Variants in EVA1C observed in about 807,000 individuals in gnomAD.
EVA1C encodes the protein protein eva-1 homolog C.
EVA1C carries 25 observed loss-of-function variants against 45.4 expected under a neutral mutation model. The ratio of observed to expected loss-of-function variants is 0.55; its 90% CI spans 0.40 to 0.77. The LOEUF (loss-of-function observed/expected upper bound fraction) is 0.77, where lower values mean the gene tolerates loss of function less well. Ranked by LOEUF, EVA1C falls within the 30% of genes least tolerant of loss-of-function variation. The pLI is 0.00. For missense variants in EVA1C, 479 were observed against 554.8 expected (o/e 0.86, Z 1.37); for synonymous variants, 190 against 221.2 (o/e 0.86, Z 1.25).
chr21:32,495,092 A>C lies in EVA1C; in HGVS notation c.700A>C (p.Ile234Leu). The change falls in exon 5 of 8, where the codon ATC becomes CTC. Residue 234 changes from isoleucine to leucine, a missense_variant. By Grantham distance (5) the Ile-to-Leu change is conservative. Around this residue, in one of 3 missense-constraint regions of EVA1C, gnomAD observed 366 missense variants for 426.1 expected, o/e 0.86. Transcript: ENST00000300255. ...RRCYGKQRCK[I>L]IVNNHHFGSP... ...GTGCTATGGGAAGCAGAGATGCAAA[A>C]TCATCGTCAACAATCACCATTTTGG... 6.2e-7 allele frequency: 1 copy of C among 1,614,134 alleles called. No individual in the cohort carries two copies. The highest frequency in any genetic ancestry group is 8.5e-7 in the Non-Finnish European group (1 of 1,180,044).
chr21:32,439,239 C>CA (rs376611535), intron 1 of EVA1C, among the ~76,000 whole-genome samples: 4 of 110,790 alleles, frequency 3.6e-5, no homozygotes, highest in Non-Finnish European at 6.7e-5. Context: ...GACTACATCT[C>CA]AAAAAAAAAG....
intron 1 of EVA1C, among the ~76,000 whole-genome samples, chr21:32,445,553 A>C (rs1009721915): frequency 1.1e-4 from 17 of 152,124 alleles, no homozygotes; most frequent in African/African-American, 4.1e-4. Flanking sequence ...TGGGGCCCCA[A>C]GATTTATTTT....
At chr21:32,482,385 A>G (rs1205210342) in intron 4 of EVA1C, among the ~76,000 whole-genome samples, 1 of 152,180 alleles carries the variant, frequency 6.6e-6, no homozygotes, top group Non-Finnish European at 1.5e-5. Context: ...AGTCTCAGTG[A>G]GTTTATCAGA....
chr21:32,503,997 G>T lies in EVA1C; in HGVS notation c.931G>T (p.Ala311Ser). ...AATTCTTGTTAGCAACTCTCTGGCAGCCTTTGCTTACATTAGAGGTAGGTC... is the reference window on the plus strand; with the variant it reads ...AATTCTTGTTAGCAACTCTCTGGCATCCTTTGCTTACATTAGAGGTAGGTC... ...DGILVSNSLA[A>S]FAYIRAHPER... is the part of the protein sequence containing the mutation. Residue 311 changes from alanine to serine, a missense_variant, in exon 7 of 8, where the codon GCC becomes TCC. By Grantham distance (99) the Ala-to-Ser change is moderately conservative. This residue lies in a region of EVA1C where 366 missense variants were observed against 426.1 expected (regional missense o/e 0.86). Coordinates refer to ENST00000300255, the MANE Select transcript of EVA1C (RefSeq NM_058187.5). 1 of 1,610,806 alleles carries T rather than the reference G, an allele frequency of 6.2e-7. No homozygotes were observed. The highest frequency in any genetic ancestry group is 8.5e-7 in the Non-Finnish European group (1 of 1,178,904).
chr21:32,435,058 A>C (rs1246392691), intron 1 of EVA1C, among the ~76,000 whole-genome samples: 2 of 152,286 alleles, frequency 1.3e-5, no homozygotes, highest in African/African-American at 4.8e-5. Context: ...TAATTTGCTC[A>C]TGGTCACTTG....
At chr21:32,421,943 G>A (rs1243150953) in intron 1 of EVA1C, among the ~76,000 whole-genome samples, 1 of 151,650 alleles carries the variant, frequency 6.6e-6, no homozygotes, top group African/African-American at 2.4e-5. Context: ...TAGTTGGAAG[G>A]CTGCGACATG....
intron 6 of EVA1C, among the ~76,000 whole-genome samples, chr21:32,503,298 C>A (rs2146442021): frequency 6.6e-6 from 1 of 152,324 alleles, no homozygotes; most frequent in South Asian, 2.1e-4. Context: ...GTTATCCCAA[C>A]ACTTTGGGAG....
At chr21:32,467,059 T>G (rs1253109434) in intron 3 of EVA1C, among the ~76,000 whole-genome samples, 1 of 152,142 alleles carries the variant, frequency 6.6e-6, no homozygotes, top group African/African-American at 2.4e-5. Context: ...GAGGATTGCT[T>G]GAGCCTAGGT....
intron 5 of EVA1C, among the ~76,000 whole-genome samples, chr21:32,499,211 G>A (rs2037448998): frequency 6.6e-6 from 1 of 152,256 alleles, no homozygotes; most frequent in African/African-American, 2.4e-5. Context: ...CAAGCCAAGA[G>A]GCAGACATGA....
intron 4 of EVA1C, among the ~76,000 whole-genome samples, chr21:32,476,537 A>G (rs1483013878): frequency 6.6e-6 from 1 of 152,124 alleles, no homozygotes; most frequent in Non-Finnish European, 1.5e-5. Flanking sequence ...GCCACTCCGG[A>G]GGCTGAGGCC....
At chr21:32,487,948 G>A (rs1204896089) in intron 4 of EVA1C, among the ~76,000 whole-genome samples, 1 of 152,178 alleles carries the variant, frequency 6.6e-6, no homozygotes, top group Non-Finnish European at 1.5e-5. Flanking sequence ...TCAGTCAGAG[G>A]CCCAGGCTTG....
intron 3 of EVA1C, 66 bp from the exon 4 acceptor site, chr21:32,467,630 G>T: frequency 6.6e-7 from 1 of 1,511,452 alleles, no homozygotes; most frequent in Non-Finnish European, 8.9e-7. Context: ...AATGGGACTT[G>T]GACAGAGCTC....
At chr21:32,480,124 A>G (rs914303001) in intron 4 of EVA1C, among the ~76,000 whole-genome samples, 3 of 152,072 alleles carry the variant, frequency 2.0e-5, no homozygotes, top group Non-Finnish European at 2.9e-5. Flanking sequence ...CACTGCTTAT[A>G]ATATTAAAAA....
intron 1 of EVA1C, among the ~76,000 whole-genome samples, chr21:32,413,907 T>C (rs1031760230): frequency 2.6e-5 from 4 of 152,156 alleles, no homozygotes; most frequent in African/African-American, 9.7e-5. Flanking sequence ...TACTCCTCCT[T>C]CTCCAGGGAT....
At chr21:32,428,151 C>T (rs148298762) in intron 1 of EVA1C, among the ~76,000 whole-genome samples, 30 of 152,296 alleles carry the variant, frequency 2.0e-4, no homozygotes, top group African/African-American at 7.2e-4. Context: ...CATAATGTTG[C>T]CAAGCATTAG....
chr21:32,470,065 C>A (rs935658340), intron 4 of EVA1C, among the ~76,000 whole-genome samples: 3 of 152,154 alleles, frequency 2.0e-5, no homozygotes, highest in African/African-American at 7.2e-5. Context: ...TGTGAAACAG[C>A]CCAAGGACCT....
intron 4 of EVA1C, among the ~76,000 whole-genome samples, chr21:32,494,781 CA>C (rs3056335): frequency 6.2e-4 from 86 of 139,258 alleles, no homozygotes; most frequent in Middle Eastern, 7.7e-3. Context: ...GAATCAGTTT[CA>C]AAAAAAAAAA....
chr21:32,494,905 A>G (rs890216122), intron 4 of EVA1C, 122 bp from the exon 5 acceptor site: 1 of 1,057,902 alleles, frequency 9.5e-7, no homozygotes, highest in African/African-American at 1.6e-5. Context: ...GAAAATAAGC[A>G]GAGAAACTCT....
At chr21:32,490,193 T>C (rs2037108900) in intron 4 of EVA1C, among the ~76,000 whole-genome samples, 1 of 152,120 alleles carries the variant, frequency 6.6e-6, no homozygotes, top group African/African-American at 2.4e-5. Context: ...TTTTTCATCT[T>C]GACAATCGCA....
Sources: allele counts gnomAD v4.1 joint callset (sites outside exome capture counted in the v4.1 genomes callset), GRCh38; gene constraint gnomAD v4.1.1; regional missense constraint gnomAD v4.1.1; transcripts MANE v1.5; gene names NCBI Gene and HGNC (gene_info 2026-07-23, HGNC 2026-07-21).